Variants in ST8SIA3 observed in about 807,000 individuals in gnomAD.
The protein encoded by ST8SIA3 is ST8 alpha-N-acetyl-neuraminide alpha-2,8-sialyltransferase 3.
A neutral mutation model predicts 34.5 loss-of-function variants in ST8SIA3; 17 were observed. The ratio of observed to expected loss-of-function variants is 0.49; its 90% CI spans 0.34 to 0.74. The LOEUF is 0.74. ST8SIA3 is among the 30% of genes least tolerant of loss of function. The probability of loss-of-function intolerance (pLI) is 0.01; values close to 1 mark genes in which losing one functional copy is unlikely to be tolerated. For missense variants in ST8SIA3, 354 were observed against 467.8 expected, an observed-to-expected ratio of 0.76 and a Z score of 2.24; for synonymous variants, 172 against 176.1, an observed-to-expected ratio of 0.98 and a Z score of 0.19.
rs1389633769 is a variant in ST8SIA3, at chr18:57,363,216, C to A, written c.*2939C>A. 6.6e-6 allele frequency: 1 copy of A among 152,288 alleles called. No individual in the cohort carries two copies. Among genetic ancestry groups the A allele is most frequent in the South Asian group, 2.1e-4 (1 of 4,828 alleles). 9.4% of individuals were successfully genotyped at this position (152,288 alleles called of 1,614,324 possible). A position where few individuals can be genotyped will look rare whatever the true frequency, so the allele number is the denominator to read the frequency against. ...TTAAGTTGCAGAGGGGGGAAATAAT[C>A]ACAAACTTTTGGCAACCTGCTTAAT... On this transcript the variant is annotated 3_prime_UTR_variant, in exon 4 of 4. Transcript: ENST00000324000.
Position 57,364,892 on chromosome 18 carries a change from G to A in ST8SIA3, c.*4615G>A, listed in dbSNP as rs745854038. On this transcript the variant is annotated 3_prime_UTR_variant, in exon 4 of 4. Transcript: ENST00000324000. ...TCTGAAAATTTATTTTTATTGTGAT[G>A]ACTGATTGAAGACATATGTGTATGA... 1 of 152,404 alleles carries A rather than the reference G, an allele frequency of 6.6e-6. No individual in the cohort carries two copies. The highest frequency in any genetic ancestry group is 1.5e-5 in the Non-Finnish European group (1 of 68,026). The allele number at this position is 152,404 out of a possible 1,614,324, so 9.4% of individuals were successfully genotyped here.
At position 57,362,168 on chromosome 18, in the gene ST8SIA3, G is replaced by C. The variant is rs1044608647; in HGVS notation, c.*1891G>C. 6.6e-6 allele frequency: 1 copy of C among 152,218 alleles called. No homozygotes were observed. Among genetic ancestry groups the C allele is most frequent in the Non-Finnish European group, 1.5e-5 (1 of 68,046 alleles). 9.4% of individuals were successfully genotyped at this position (152,218 alleles called of 1,614,324 possible). ...ATTTTGTAATTCAGTGGTATAATTT[G>C]ATGGGTATCACAACCACACCGTGTT... On this transcript the variant is annotated 3_prime_UTR_variant, in exon 4 of 4. Transcript: ENST00000324000.
At chr18:57,358,509 A>C (rs2049811244) in intron 3 of ST8SIA3, among the ~76,000 whole-genome samples, 1 of 151,736 alleles carries the variant, frequency 6.6e-6, no homozygotes, top group South Asian at 2.1e-4. Context: ...AGGAGGAGGA[A>C]TTACAGCCTA....
chr18:57,359,356 G>C (rs1264813302), intron 3 of ST8SIA3, among the ~76,000 whole-genome samples: 2 of 152,144 alleles, frequency 1.3e-5, no homozygotes, highest in Non-Finnish European at 2.9e-5. Context: ...TAGCATGCCA[G>C]ATTGTGGCAT....
At chr18:57,356,444 T>G (rs1010888521) in intron 2 of ST8SIA3, among the ~76,000 whole-genome samples, 2 of 152,222 alleles carry the variant, frequency 1.3e-5, no homozygotes, top group Non-Finnish European at 2.9e-5. Context: ...TATTTGGCTC[T>G]TATTTGGACA....
intron 3 of ST8SIA3, among the ~76,000 whole-genome samples, chr18:57,359,770 A>G (rs1226680842): frequency 1.3e-5 from 2 of 152,222 alleles, no homozygotes; most frequent in Non-Finnish European, 2.9e-5. Context: ...GAAATTTTCA[A>G]TACTTTTTGA....
rs2049769529 is a variant in ST8SIA3 at position 57,352,662 on chromosome 18, CA to C, written c.-183del. 4 of 464,150 alleles carry C rather than the reference CA, an allele frequency of 8.6e-6. No homozygotes were observed. Among genetic ancestry groups the C allele is most frequent in the African/African-American group, 8.2e-5 (4 of 49,056 alleles). The allele number at this position is 464,150 out of a possible 1,614,324, so 28.8% of individuals were successfully genotyped here. The stretch of plus-strand genomic sequence containing the variant: ...TGCTCTCCGGGGCTCCTGCCAGCCC[CA>C]ACCCCCGGCCCCGGTGGCCTCCCCC... On this transcript the variant is annotated 5_prime_UTR_variant, in exon 1 of 4. Transcript: ENST00000324000.
In ST8SIA3 at chr18:57,357,294, T is replaced by G; in HGVS notation, c.684T>G (p.Arg228=). Residue 228 remains arginine (R), a synonymous_variant, in exon 3 of 4, where the codon CGT becomes CGG. Coordinates refer to ENST00000324000, the MANE Select transcript of ST8SIA3 (RefSeq NM_015879.3). ...YYNNLLTIQD[R]NNFFLSLKKL... ...ACAATCTCTTGACTATTCAGGACCGTAACAACTTTTTCCTCAGTTTAAAAA... is the reference window on the plus strand; with the variant it reads ...ACAATCTCTTGACTATTCAGGACCGGAACAACTTTTTCCTCAGTTTAAAAA... The G allele has an allele frequency of 6.2e-7, 1 of 1,614,134 alleles. No homozygotes were observed. Among genetic ancestry groups the G allele is most frequent in the Non-Finnish European group, 8.5e-7 (1 of 1,179,996 alleles).
rs1426647507 is a variant in ST8SIA3 at position 57,367,159 on chromosome 18, A to G, written c.*6882A>G. The G allele has an allele frequency of 6.6e-6, 1 of 152,256 alleles. No individual in the cohort carries two copies. The highest frequency in any genetic ancestry group is 1.5e-5 in the Non-Finnish European group (1 of 68,048). The allele number at this position is 152,256 out of a possible 1,614,324, so 9.4% of individuals were successfully genotyped here. A position where few individuals can be genotyped will look rare whatever the true frequency, so the allele number is the denominator to read the frequency against. On this transcript the variant is annotated 3_prime_UTR_variant, in exon 4 of 4. Coordinates refer to ENST00000324000, the MANE Select transcript of ST8SIA3 (RefSeq NM_015879.3). ...GCATGTACTAAATCAAAATTAGATC[A>G]TGAAGGACCAAATCTACTTCCGTTG... is the stretch of plus-strand genomic sequence containing the variant.
rs775788343 is a variant in ST8SIA3, at chr18:57,366,640, G to T, written c.*6363G>T. The T allele has an allele frequency of 6.6e-6, 1 of 152,206 alleles. No homozygotes were observed. Among genetic ancestry groups the T allele is most frequent in the African/African-American group, 2.4e-5 (1 of 41,452 alleles). 9.4% of individuals were successfully genotyped at this position (152,206 alleles called of 1,614,324 possible). ...CACTTGGCTCTACATATCTGGAAAG[G>T]CACTGAGGTTCCAAGGTCTCTACCC... is the stretch of plus-strand genomic sequence containing the variant. On this transcript the variant is annotated 3_prime_UTR_variant, in exon 4 of 4. Transcript: ENST00000324000.
rs2144211785 is a variant in ST8SIA3, at chr18:57,364,762, C to T, written c.*4485C>T. 6.5e-6 allele frequency: 1 copy of T among 152,744 alleles called. No individual in the cohort carries two copies. The highest frequency in any genetic ancestry group is 1.5e-5 in the Non-Finnish European group (1 of 68,028). The allele number at this position is 152,744 out of a possible 1,614,324, so 9.5% of individuals were successfully genotyped here. The stretch of plus-strand genomic sequence containing the variant: ...TAAGCATCAAAATGATTCATTATGC[C>T]TCTCTCACACTCCGATTGCTTTGCC... On this transcript the variant is annotated 3_prime_UTR_variant, in exon 4 of 4. Coordinates refer to ENST00000324000, the MANE Select transcript of ST8SIA3 (RefSeq NM_015879.3).
chr18:57,354,578 A>G, intron 2 of ST8SIA3, 54 bp downstream of exon 2: 1 of 1,589,460 alleles, frequency 6.3e-7, no homozygotes, highest in East Asian at 2.2e-5. Context: ...AAGAGCTCAA[A>G]ACAAAACAAA....
Position 57,360,031 on chromosome 18 carries a change from G to A in ST8SIA3, c.897G>A (p.Leu299=). 1 of 1,613,732 alleles carries A rather than the reference G, an allele frequency of 6.2e-7. No individual in the cohort carries two copies. ...WKNKHLSPKR[L]STGILMYTLA... is the part of the protein sequence containing the mutation. ...ACAAACATTTGTCACCTAAACGGCT[G>A]AGCACAGGTATTCTTATGTACACCC... Residue 299 remains leucine, a synonymous_variant, in exon 4 of 4, where the codon CTG becomes CTA. Coordinates refer to ENST00000324000, the MANE Select transcript of ST8SIA3 (RefSeq NM_015879.3).
intron 2 of ST8SIA3, among the ~76,000 whole-genome samples, chr18:57,355,350 C>T (rs1370610300): frequency 2.6e-5 from 4 of 152,096 alleles, no homozygotes; most frequent in East Asian, 1.9e-4. Context: ...AGTGTGAATA[C>T]TTATTTTACA....
Position 57,361,418 on chromosome 18 carries a change from G to T in ST8SIA3, c.*1141G>T, listed in dbSNP as rs116790506. 1 of 152,594 alleles carries T rather than the reference G, an allele frequency of 6.6e-6. No individual in the cohort carries two copies. The allele number at this position is 152,594 out of a possible 1,614,324, so 9.5% of individuals were successfully genotyped here. A position where few individuals can be genotyped will look rare whatever the true frequency, so the allele number is the denominator to read the frequency against. ...TAGTGCTGAGGTGCGATCGTTTTCC[G>T]TATCATTGTGTGCACCACCACCAAT... On this transcript the variant is annotated 3_prime_UTR_variant, in exon 4 of 4. Coordinates refer to ENST00000324000, the MANE Select transcript of ST8SIA3 (RefSeq NM_015879.3).
rs1230889002 is a variant in ST8SIA3, at chr18:57,363,494, G to C, written c.*3217G>C. 3 of 152,346 alleles carry C rather than the reference G, an allele frequency of 2.0e-5. No homozygotes were observed. Among genetic ancestry groups the C allele is most frequent in the Non-Finnish European group, 4.4e-5 (3 of 68,128 alleles). The allele number at this position is 152,346 out of a possible 1,614,324, so 9.4% of individuals were successfully genotyped here. On this transcript the variant is annotated 3_prime_UTR_variant, in exon 4 of 4. Coordinates refer to ENST00000324000, the MANE Select transcript of ST8SIA3 (RefSeq NM_015879.3). The stretch of plus-strand genomic sequence containing the variant: ...GCTGACTATGACTACTGTGCCATCT[G>C]TCTGTGACCTTGATGTCAGGTACCT...
intron 3 of ST8SIA3, among the ~76,000 whole-genome samples, chr18:57,359,544 T>C (rs577624209): frequency 3.8e-4 from 57 of 151,744 alleles, no homozygotes; most frequent in Non-Finnish European, 7.1e-4. Context: ...ATGACCTCCT[T>C]CACCCTATCC....
Position 57,360,291 on chromosome 18 carries a change from A to T in ST8SIA3, c.*14A>T. The T allele has an allele frequency of 1.2e-6, 2 of 1,608,140 alleles. No homozygotes were observed. The highest frequency in any genetic ancestry group is 1.7e-6 in the Non-Finnish European group (2 of 1,175,762). ...CACTGTGCCTAAGAACTCCAAACGGAAAGCGCCAAATGGCTGTTTAAAAAG... is the reference window on the plus strand; with the variant it reads ...CACTGTGCCTAAGAACTCCAAACGGTAAGCGCCAAATGGCTGTTTAAAAAG... On this transcript the variant is annotated 3_prime_UTR_variant, in exon 4 of 4. Coordinates refer to ENST00000324000, the MANE Select transcript of ST8SIA3 (RefSeq NM_015879.3).
chr18:57,363,865 C>G lies in ST8SIA3; in HGVS notation c.*3588C>G, dbSNP rs975340514. On this transcript the variant is annotated 3_prime_UTR_variant, in exon 4 of 4. Coordinates refer to ENST00000324000, the MANE Select transcript of ST8SIA3 (RefSeq NM_015879.3). Reference sequence around the variant, plus strand: ...AAACAGGGAGGCTAGGTGATTTGCCCCAGATGACACTGTCAATTAGTGGAG... The same window carrying G: ...AAACAGGGAGGCTAGGTGATTTGCCGCAGATGACACTGTCAATTAGTGGAG... 7.9e-5 allele frequency: 12 copies of G among 152,072 alleles called. No individual in the cohort carries two copies. Among genetic ancestry groups the G allele is most frequent in the Admixed American group, 5.9e-4 (9 of 15,272 alleles). 9.4% of individuals were successfully genotyped at this position (152,072 alleles called of 1,614,324 possible).
Sources: allele counts gnomAD v4.1 joint callset (sites outside exome capture counted in the v4.1 genomes callset), GRCh38; gene constraint gnomAD v4.1.1; transcripts MANE v1.5; gene names NCBI Gene and HGNC (gene_info 2026-07-23, HGNC 2026-07-21).